The following MLF1 variants were observed in gnomAD, a reference collection of about 807,000 sequenced individuals.
MLF1 encodes the protein myelodysplasia-myeloid leukemia factor 1.
MLF1 carries 37 observed loss-of-function variants against 38.3 expected under a neutral mutation model. The ratio of observed to expected loss-of-function variants is 0.96; its 90% CI spans 0.74 to 1.27. The LOEUF is 1.27. Ranked by LOEUF, MLF1 falls within the 50% of genes most tolerant of loss-of-function variation. The pLI is 0.00. For missense variants in MLF1, 331 were observed against 349.2 expected (o/e 0.95, Z 0.42); for synonymous variants, 95 against 106.5 (o/e 0.89, Z 0.66).
chr3:158,579,025 C>T (rs1242606275), intron 1 of MLF1, among the ~76,000 whole-genome samples: 2 of 152,090 alleles, frequency 1.3e-5, no homozygotes, highest in Non-Finnish European at 2.9e-5. Flanking sequence ...AAATATTGCA[C>T]CCTATGAACA....
At chr3:158,588,814 G>A (rs1160983230) in intron 1 of MLF1, 1 of 454,762 alleles carries the variant, frequency 2.2e-6, no homozygotes, top group Non-Finnish European at 4.4e-6. Flanking sequence ...AAGCTTCTAT[G>A]GCATAAACAA....
rs758915813 is a variant in MLF1 at position 158,574,505 on chromosome 3, T to TAAAAAAAAAA, written c.47+3171_47+3180dup. Among the ~76,000 whole-genome samples the TAAAAAAAAAA allele has an allele frequency of 1.2e-3, 111 of 91,350 alleles. 3 individuals carry two copies. The highest frequency in any genetic ancestry group is 5.8e-3 in the African/African-American group (101 of 17,420). 59.9% of individuals were successfully genotyped at this position (91,350 alleles called of 152,430 possible). On this transcript the variant is annotated intron_variant, in intron 1 of 7. Coordinates refer to ENST00000466246, the MANE Select transcript of MLF1 (RefSeq NM_001369783.1). Reference sequence around the variant, plus strand: ...CAACATGGTGAAACCCCATCTGTACTAAAAAAAAAAAAAAAAAAAAAATAC... The same window carrying TAAAAAAAAAA: ...CAACATGGTGAAACCCCATCTGTACTAAAAAAAAAAAAAAAAAAAAAAAAAAAAAAAATAC...
chr3:158,581,820 G>A (rs550658125), intron 1 of MLF1, among the ~76,000 whole-genome samples: 8 of 152,246 alleles, frequency 5.3e-5, no homozygotes, highest in Non-Finnish European at 7.4e-5. Context: ...AGCAGACAAC[G>A]TGCTAGAACA....
chr3:158,583,597 GAC>G (rs1301863360), intron 1 of MLF1, among the ~76,000 whole-genome samples: 36 of 152,246 alleles, frequency 2.4e-4, no homozygotes, highest in South Asian at 4.1e-4. Flanking sequence ...AGGTCTGAGA[GAC>G]AGAGATGGGA....
intron 1 of MLF1, chr3:158,583,078 C>A (rs1248946037): frequency 7.9e-6 from 4 of 509,412 alleles, no homozygotes; most frequent in Middle Eastern, 5.1e-4. Flanking sequence ...AAGTGTATAT[C>A]CCGGCCTTAA....
At chr3:158,580,998 TAAC>T (rs1716259151) in intron 1 of MLF1, among the ~76,000 whole-genome samples, 2 of 152,190 alleles carry the variant, frequency 1.3e-5, no homozygotes, top group Admixed American at 6.5e-5. Flanking sequence ...TTCACGCTAA[TAAC>T]AAATTAAAAA....
intron 1 of MLF1, among the ~76,000 whole-genome samples, chr3:158,575,925 A>G (rs1214379415): frequency 6.6e-6 from 1 of 152,160 alleles, no homozygotes; most frequent in Non-Finnish European, 1.5e-5. Context: ...CTAATTATTC[A>G]AAAATGGACA....
chr3:158,577,277 C>A (rs1281527858), intron 1 of MLF1, among the ~76,000 whole-genome samples: 4 of 152,242 alleles, frequency 2.6e-5, no homozygotes, highest in African/African-American at 9.6e-5. Flanking sequence ...TGATGGAAAA[C>A]ATTCTCATTG....
chr3:158,605,001 T>C (rs1720330164), intron 7 of MLF1, 96 bp from the exon 8 acceptor site: 2 of 920,090 alleles, frequency 2.2e-6, no homozygotes, highest in Admixed American at 2.8e-5. Context: ...GATAAAACTT[T>C]TCTTATATTA....
chr3:158,585,199 T>G (rs1284096653), intron 1 of MLF1, among the ~76,000 whole-genome samples: 1 of 152,066 alleles, frequency 6.6e-6, no homozygotes, highest in Non-Finnish European at 1.5e-5. Context: ...ATTAATAGAT[T>G]AATGCCCTCC....
At chr3:158,583,117 T>G (rs1304665179) in intron 1 of MLF1, among the ~76,000 whole-genome samples, 1 of 152,178 alleles carries the variant, frequency 6.6e-6, no homozygotes, top group Non-Finnish European at 1.5e-5. Context: ...AGCAGCAAAA[T>G]GTTCTTTTCT....
rs187021643 is a variant in MLF1 at position 158,601,931 on chromosome 3, C to T, written c.614-876C>T. ...TCCCAGGTTCACGCCATTCTCCTGC[C>T]ACAGCCTCCTGAGTAGCTGGGACTA... On this transcript the variant is annotated intron_variant, in intron 6 of 7. Coordinates refer to ENST00000466246, the MANE Select transcript of MLF1 (RefSeq NM_001369783.1). 5.2e-3 allele frequency among the ~76,000 whole-genome samples: 777 copies of T among 150,414 alleles called. 7 individuals carry two copies. Among genetic ancestry groups the T allele is most frequent in the African/African-American group, 0.018 (751 of 40,960 alleles).
intron 1 of MLF1, among the ~76,000 whole-genome samples, chr3:158,575,876 A>T (rs898675901): frequency 6.6e-6 from 1 of 152,154 alleles, no homozygotes; most frequent in Non-Finnish European, 1.5e-5. Flanking sequence ...TATTGTTCAC[A>T]ATCAAGGTTA....
chr3:158,578,467 T>C lies in MLF1; in HGVS notation c.47+7120T>C, dbSNP rs79739070. ...TCTAAAGGGAGACATTACCAGCCCT[T>C]AAACACATGTATGTACGTATGTACA... On this transcript the variant is annotated intron_variant, in intron 1 of 7. Transcript: ENST00000466246. Among the ~76,000 whole-genome samples the C allele has an allele frequency of 5.7e-3, 860 of 150,584 alleles. 25 individuals carry two copies. In the East Asian group the frequency reaches 0.084, roughly 15 times the overall value.
intron 1 of MLF1, among the ~76,000 whole-genome samples, chr3:158,581,364 A>C (rs1247888519): frequency 6.6e-6 from 1 of 152,178 alleles, no homozygotes; most frequent in Non-Finnish European, 1.5e-5. Flanking sequence ...AATATGCCAG[A>C]GCATTCTGTT....
chr3:158,590,701 A>G (rs1717987621), intron 1 of MLF1: 1 of 430,442 alleles, frequency 2.3e-6, no homozygotes, highest in Non-Finnish European at 4.6e-6. Context: ...AATGACAGAA[A>G]GCCTATTCAT....
intron 1 of MLF1, among the ~76,000 whole-genome samples, chr3:158,588,228 A>C (rs1380267927): frequency 1.3e-5 from 2 of 152,196 alleles, no homozygotes; most frequent in African/African-American, 4.8e-5. Context: ...TAAAGCCTCA[A>C]CTGATAACTT....
At chr3:158,597,264 TGGAAAAAAAA>T (rs1719020863) in intron 4 of MLF1, among the ~76,000 whole-genome samples, 1 of 151,900 alleles carries the variant, frequency 6.6e-6, no homozygotes, top group African/African-American at 2.4e-5. Flanking sequence ...TTTTAAAAAT[TGGAAAAAAAA>T]TAACCTCAAA....
At chr3:158,577,498 A>G (rs1422386469) in intron 1 of MLF1, among the ~76,000 whole-genome samples, 1 of 152,240 alleles carries the variant, frequency 6.6e-6, no homozygotes, top group Non-Finnish European at 1.5e-5. Context: ...ACTTATTTTC[A>G]AGGTCCCACT....
Sources: allele counts gnomAD v4.1 joint callset (sites outside exome capture counted in the v4.1 genomes callset), GRCh38; gene constraint gnomAD v4.1.1; transcripts MANE v1.5; gene names NCBI Gene and HGNC (gene_info 2026-07-23, HGNC 2026-07-21).